Variants in BTBD9 observed in about 807,000 individuals in gnomAD.
BTBD9 encodes the protein BTB domain containing 9.
A neutral mutation model predicts 64.3 loss-of-function variants in BTBD9; 49 were observed. The ratio of observed to expected loss-of-function variants is 0.76; its 90% CI spans 0.61 to 0.97. BTBD9 has a LOEUF of 0.97. BTBD9 is among the 50% of genes least tolerant of loss of function. The pLI is 0.00. For missense variants in BTBD9, 598 were observed against 762.1 expected (o/e 0.78, Z 2.53); for synonymous variants, 260 against 274.7 (o/e 0.95, Z 0.53).
chr6:38,322,448 A>G (rs1381959432), intron 7 of BTBD9, among the ~76,000 whole-genome samples: 1 of 152,264 alleles, frequency 6.6e-6, no homozygotes, highest in Non-Finnish European at 1.5e-5. Context: ...ATTAACAGCA[A>G]CATGCCATAA....
chr6:38,337,202 C>T (rs1009283500), intron 7 of BTBD9, among the ~76,000 whole-genome samples: 17 of 152,226 alleles, frequency 1.1e-4, no homozygotes, highest in Non-Finnish European at 5.9e-5. Context: ...ATCTCTGTTT[C>T]TGCTCCAGAG....
chr6:38,509,840 C>A (rs1772700988), intron 6 of BTBD9, among the ~76,000 whole-genome samples: 1 of 152,168 alleles, frequency 6.6e-6, no homozygotes, highest in Non-Finnish European at 1.5e-5. Flanking sequence ...AGGGATTACT[C>A]ATATTTTCCT....
At chr6:38,355,364 C>T (rs1764680629) in intron 6 of BTBD9, among the ~76,000 whole-genome samples, 1 of 152,150 alleles carries the variant, frequency 6.6e-6, no homozygotes, top group Non-Finnish European at 1.5e-5. Context: ...GTCTCCAATC[C>T]ATATTTCTGG....
chr6:38,454,518 T>TATATATA (rs1769707773), intron 6 of BTBD9, among the ~76,000 whole-genome samples: 1 of 149,298 alleles, frequency 6.7e-6, no homozygotes, highest in Non-Finnish European at 1.5e-5. Context: ...TAATTAAATA[T>TATATATA]TATATGTGGT....
chr6:38,474,630 G>C (rs1770799228), intron 6 of BTBD9, among the ~76,000 whole-genome samples: 1 of 152,116 alleles, frequency 6.6e-6, no homozygotes, highest in Non-Finnish European at 1.5e-5. Context: ...CATTCCCAGG[G>C]CCTAGCACAG....
chr6:38,412,486 T>C (rs973395770), intron 6 of BTBD9, among the ~76,000 whole-genome samples: 1 of 148,438 alleles, frequency 6.7e-6, no homozygotes, highest in African/African-American at 2.5e-5. Flanking sequence ...CTGGGGACAT[T>C]TGAGGGAGCA....
intron 10 of BTBD9, among the ~76,000 whole-genome samples, chr6:38,180,195 G>C (rs1281466516): frequency 6.6e-6 from 1 of 152,210 alleles, no homozygotes; most frequent in Non-Finnish European, 1.5e-5. Flanking sequence ...AATGCAAATG[G>C]GCATTCGGGG....
chr6:38,399,620 A>G (rs1041562032), intron 6 of BTBD9, among the ~76,000 whole-genome samples: 2 of 139,466 alleles, frequency 1.4e-5, no homozygotes, highest in African/African-American at 5.8e-5. Flanking sequence ...TCTTTTTCCT[A>G]AGTAAAACAA....
intron 6 of BTBD9, chr6:38,504,435 T>G (rs1772360231): frequency 1.5e-5 from 6 of 388,142 alleles, no homozygotes; most frequent in Non-Finnish European, 3.1e-5. Context: ...TTTTCCTTCC[T>G]CCCTTTCCCT....
At chr6:38,528,727 T>C in intron 6 of BTBD9, among the ~76,000 whole-genome samples, 1 of 152,120 alleles carries the variant, frequency 6.6e-6, no homozygotes, top group African/African-American at 2.4e-5. Context: ...CAGAATTCAT[T>C]ACCTGCTGAC....
At chr6:38,314,919 G>A (rs755804806) in intron 7 of BTBD9, among the ~76,000 whole-genome samples, 5 of 152,126 alleles carry the variant, frequency 3.3e-5, no homozygotes, top group Admixed American at 6.5e-5. Flanking sequence ...GCGGGATCTC[G>A]GCTCACTGCA....
chr6:38,446,364 A>C (rs769819944), intron 6 of BTBD9, among the ~76,000 whole-genome samples: 1 of 152,020 alleles, frequency 6.6e-6, no homozygotes, highest in Admixed American at 6.5e-5. Flanking sequence ...AAAGAAAGAG[A>C]ATAGCTCTCT....
chr6:38,214,598 G>GGAGGCTGCAAGGGAGGTC (rs1386325750), intron 9 of BTBD9, among the ~76,000 whole-genome samples: 4 of 152,192 alleles, frequency 2.6e-5, no homozygotes, highest in South Asian at 2.1e-4. Context: ...ACAGGGAGGA[G>GGAGGCTGCAAGGGAGGTC]GAGGCTGCAA....
intron 8 of BTBD9, among the ~76,000 whole-genome samples, chr6:38,272,142 T>C (rs1213791158): frequency 6.6e-6 from 1 of 152,036 alleles, no homozygotes; most frequent in East Asian, 1.9e-4. Context: ...CTAAAGGGGA[T>C]GGAAGTAGTA....
chr6:38,291,972 T>A (rs1419560499), intron 7 of BTBD9, among the ~76,000 whole-genome samples: 3 of 151,926 alleles, frequency 2.0e-5, no homozygotes, highest in Admixed American at 1.3e-4. Flanking sequence ...TTTCTTTTTT[T>A]TTTTTTGAGA....
At chr6:38,553,095 T>G (rs1191230937) in intron 6 of BTBD9, among the ~76,000 whole-genome samples, 1 of 152,240 alleles carries the variant, frequency 6.6e-6, no homozygotes, top group African/African-American at 2.4e-5. Context: ...ATGTATATAG[T>G]TGGTGCACTG....
At chr6:38,183,205 C>A (rs1296809952) in intron 10 of BTBD9, among the ~76,000 whole-genome samples, 1 of 152,170 alleles carries the variant, frequency 6.6e-6, no homozygotes, top group Non-Finnish European at 1.5e-5. Context: ...TGGTCTCGAT[C>A]TGACCTCGTG....
intron 6 of BTBD9, among the ~76,000 whole-genome samples, chr6:38,499,270 G>A (rs1247276014): frequency 2.6e-5 from 4 of 152,082 alleles, no homozygotes; most frequent in Non-Finnish European, 4.4e-5. Context: ...GGGACCGCCC[G>A]CTCTGCATTC....
intron 6 of BTBD9, among the ~76,000 whole-genome samples, chr6:38,530,600 G>A (rs1011149817): frequency 7.0e-6 from 1 of 142,526 alleles, no homozygotes; most frequent in African/African-American, 2.5e-5. Flanking sequence ...TGAAATATTG[G>A]GGGTGGGTTC....
Sources: allele counts gnomAD v4.1 joint callset (sites outside exome capture counted in the v4.1 genomes callset), GRCh38; gene constraint gnomAD v4.1.1; transcripts MANE v1.5; gene names NCBI Gene and HGNC (gene_info 2026-07-23, HGNC 2026-07-21).